CTCF: variants seen among roughly 807,000 people sequenced by gnomAD.
The protein encoded by CTCF is transcriptional repressor CTCF.
Under a neutral mutation model 72.3 loss-of-function variants are expected in CTCF, and 7 were observed. The ratio of observed to expected loss-of-function variants is 0.10; its 90% CI spans 0.06 to 0.18. The LOEUF (loss-of-function observed/expected upper bound fraction) is 0.18. Among genes scored for constraint, CTCF ranks in the 10% least tolerant of loss-of-function variants. CTCF has a pLI of 1.00. For synonymous variants in CTCF, 374 were observed against 315.8 expected, an observed-to-expected ratio of 1.18 and a Z score of -1.95; for missense variants, 516 against 949.1, an observed-to-expected ratio of 0.54 and a Z score of 6.00.
At chr16:67,600,896 C>T (rs2051877589) in intron 2 of CTCF, among the ~76,000 whole-genome samples, 2 of 151,890 alleles carry the variant, frequency 1.3e-5, no homozygotes, top group South Asian at 4.2e-4. Flanking sequence ...ATTTTGGTGG[C>T]GATATTGGTC....
chr16:67,604,241 G>A (rs1405137350), intron 2 of CTCF, among the ~76,000 whole-genome samples: 1 of 152,054 alleles, frequency 6.6e-6, no homozygotes. Context: ...CCCAGGAGTT[G>A]GAGGTTACAG....
rs569836092 is a variant in CTCF, at chr16:67,566,880, T to G, written c.-127+4156T>G. 8.8e-4 allele frequency among the ~76,000 whole-genome samples: 122 copies of G among 139,250 alleles called. 1 individual carries two copies. The highest frequency in any genetic ancestry group is 2.8e-3 in the African/African-American group (108 of 38,686). 91.4% of individuals were successfully genotyped at this position (139,250 alleles called of 152,430 possible). On this transcript the variant is annotated intron_variant, in intron 1 of 11. Transcript: ENST00000264010. ...GCCACCGTGCCCGGCCTGTGGGGTTTGTTTGTTTGTTTTAAGACAGGGTCT... is the reference window on the plus strand; with the variant it reads ...GCCACCGTGCCCGGCCTGTGGGGTTGGTTTGTTTGTTTTAAGACAGGGTCT...
At chr16:67,577,793 T>C (rs969876381) in intron 2 of CTCF, among the ~76,000 whole-genome samples, 5 of 152,104 alleles carry the variant, frequency 3.3e-5, no homozygotes, top group African/African-American at 4.8e-5. Context: ...GGAACAGTTA[T>C]AGAAGTGCAG....
At chr16:67,626,853 A>C (rs1430346407) in intron 8 of CTCF, 138 bp downstream of exon 8, 1 of 537,780 alleles carries the variant, frequency 1.9e-6, no homozygotes, top group East Asian at 3.4e-5. Context: ...CACCAAAATC[A>C]AAGGTCATGC....
At chr16:67,587,158 A>G (rs998737936) in intron 2 of CTCF, among the ~76,000 whole-genome samples, 25 of 135,206 alleles carry the variant, frequency 1.8e-4, no homozygotes, top group Non-Finnish European at 3.0e-5. Context: ...CCAGGCTGGC[A>G]TGATCACAGC....
intron 5 of CTCF, among the ~76,000 whole-genome samples, chr16:67,617,843 T>G (rs1223376573): frequency 6.6e-6 from 1 of 152,108 alleles, no homozygotes; most frequent in African/African-American, 2.4e-5. Context: ...AAAAGAAAAC[T>G]TACCCTCAGA....
At chr16:67,609,736 GC>G (rs1234914802) in intron 2 of CTCF, among the ~76,000 whole-genome samples, 1 of 151,158 alleles carries the variant, frequency 6.6e-6, no homozygotes, top group African/African-American at 2.4e-5. Flanking sequence ...CCATTCTCCT[GC>G]CTCAGCCTCC....
At chr16:67,617,232 C>T (rs2052143693) in intron 5 of CTCF, among the ~76,000 whole-genome samples, 2 of 151,942 alleles carry the variant, frequency 1.3e-5, no homozygotes, top group Non-Finnish European at 2.9e-5. Flanking sequence ...GGCCTGGTGG[C>T]TCACAGCCTA....
chr16:67,576,904 A>G (rs1316242889), intron 2 of CTCF, among the ~76,000 whole-genome samples: 1 of 152,200 alleles, frequency 6.6e-6, no homozygotes, highest in East Asian at 1.9e-4. Context: ...ACAAAGTACA[A>G]AGAAAGCAGA....
At chr16:67,602,212 G>A (rs2051901506) in intron 2 of CTCF, among the ~76,000 whole-genome samples, 1 of 152,094 alleles carries the variant, frequency 6.6e-6, no homozygotes, top group Non-Finnish European at 1.5e-5. Context: ...TCACACCAGA[G>A]ACCAGATAGA....
chr16:67,636,148 G>A (rs1198110658), intron 10 of CTCF, among the ~76,000 whole-genome samples: 1 of 152,124 alleles, frequency 6.6e-6, no homozygotes, highest in African/African-American at 2.4e-5. Flanking sequence ...GGCCGAGGCA[G>A]GTGGATCACC....
At chr16:67,607,189 T>G (rs998501665) in intron 2 of CTCF, among the ~76,000 whole-genome samples, 1 of 152,070 alleles carries the variant, frequency 6.6e-6, no homozygotes. Context: ...TCTCCTGACT[T>G]CAAGTGATCT....
Position 67,637,886 on chromosome 16 carries a change from T to G in CTCF, c.*14T>G. ...ATGGACCGGTGATGGCGGAGCCTTG[T>G]GCGTCGCCAGGACTTCTCTGGGCTG... On this transcript the variant is annotated 3_prime_UTR_variant, in exon 12 of 12. Coordinates refer to ENST00000264010, the MANE Select transcript of CTCF (RefSeq NM_006565.4). The G allele has an allele frequency of 6.3e-7, 1 of 1,595,032 alleles. No individual in the cohort carries two copies.
rs754178156 is a variant in CTCF, at chr16:67,611,398, C to G, written c.566C>G (p.Pro189Arg). ...GGGGAACTTCCACCCCAGGAAGATC[C>G]TAGTTGGCAAAAAGACCCAGACTAT... ...EQGELPPQED[P>R]SWQKDPDYQP... Residue 189 changes from proline to arginine, a missense_variant, in exon 3 of 12, where the codon CCT becomes CGT. By Grantham distance (103) the Pro-to-Arg change is moderately radical (BLOSUM62 -2). Transcript: ENST00000264010. 7.4e-6 allele frequency: 12 copies of G among 1,614,004 alleles called. No homozygotes were observed. The highest frequency in any genetic ancestry group is 1.7e-5 in the Admixed American group (1 of 59,984).
intron 2 of CTCF, among the ~76,000 whole-genome samples, chr16:67,584,334 C>CGTCTT (rs1567596519): frequency 8.2e-6 from 1 of 121,928 alleles, no homozygotes; most frequent in African/African-American, 3.7e-5. Context: ...AAAAAAAAGT[C>CGTCTT]TTCTTTTTTT....
chr16:67,612,930 T>G (rs976392844), intron 4 of CTCF, among the ~76,000 whole-genome samples: 2 of 152,206 alleles, frequency 1.3e-5, no homozygotes, highest in Admixed American at 1.3e-4. Context: ...AGAGTGAGAC[T>G]CCATCTCAAA....
Position 67,631,798 on chromosome 16 carries a change from C to T in CTCF, c.1837+2265C>T, listed in dbSNP as rs1470208017. Among the ~76,000 whole-genome samples the T allele has an allele frequency of 4.0e-5, 6 of 149,852 alleles. No individual in the cohort carries two copies. In the Admixed American group the frequency reaches 4.1e-4, roughly 10 times the overall value. ...TTTAAGATGTCAATTTGCAGCTGGT[C>T]ATGGTGGCTCACGCCTGTAATCCCA... is the stretch of plus-strand genomic sequence containing the variant. On this transcript the variant is annotated intron_variant, in intron 10 of 11. Transcript: ENST00000264010.
chr16:67,594,449 C>T (rs1014198680), intron 2 of CTCF, among the ~76,000 whole-genome samples: 1 of 151,448 alleles, frequency 6.6e-6, no homozygotes, highest in Non-Finnish European at 1.5e-5. Context: ...CCTATATTCT[C>T]AGCATTTTGT....
At position 67,610,898 on chromosome 16, in the gene CTCF, A is replaced by G; in HGVS notation, c.66A>G (p.Arg22=). The part of the protein sequence containing the change: ...ESETFIKGKE[R]KTYQRRREGG... Reference sequence around the variant, plus strand: ...AAACTTTTATTAAAGGAAAGGAGAGAAAGACTTACCAGAGACGCCGGGAAG... The same window carrying G: ...AAACTTTTATTAAAGGAAAGGAGAGGAAGACTTACCAGAGACGCCGGGAAG... Residue 22 remains arginine (R), a synonymous_variant, in exon 3 of 12, where the codon AGA becomes AGG. Coordinates refer to ENST00000264010, the MANE Select transcript of CTCF (RefSeq NM_006565.4). 6.6e-7 allele frequency: 1 copy of G among 1,520,470 alleles called. No individual in the cohort carries two copies. The highest frequency in any genetic ancestry group is 8.8e-7 in the Non-Finnish European group (1 of 1,134,674). 94.2% of individuals were successfully genotyped at this position (1,520,470 alleles called of 1,614,324 possible).
Sources: gnomAD v4.1 joint callset for allele counts (sites outside exome capture counted in the v4.1 genomes callset) on GRCh38, gnomAD v4.1.1 for gene constraint, MANE v1.5 for transcripts, NCBI Gene and HGNC (gene_info 2026-07-23, HGNC 2026-07-21) for gene names.